The following BAZ1A variants were observed in gnomAD, a reference collection of about 807,000 sequenced individuals.
The protein encoded by BAZ1A is bromodomain adjacent to zinc finger domain 1A, also known as bromodomain adjacent to zinc finger domain protein 1A.
In BAZ1A, 50 loss-of-function variants were observed where a neutral mutation model predicts 185.2. The ratio of observed to expected loss-of-function variants is 0.27; its 90% CI spans 0.22 to 0.34. The LOEUF is 0.34. Among genes scored for constraint, BAZ1A ranks in the 10% least tolerant of loss-of-function variants. The pLI, the probability that BAZ1A is intolerant of heterozygous loss-of-function variation, is 1.00. For synonymous variants in BAZ1A, 571 were observed against 615.6 expected (o/e 0.93, Z 1.07); for missense variants, 1,356 against 1,839.9 (o/e 0.74, Z 4.81).
chr14:34,855,525 T>G (rs2077977100), intron 3 of BAZ1A, among the ~76,000 whole-genome samples: 1 of 152,236 alleles, frequency 6.6e-6, no homozygotes, highest in African/African-American at 2.4e-5. Context: ...TCTTAAGTTT[T>G]TAACACAAGT....
rs1368867857 is a variant in BAZ1A at position 34,844,775 on chromosome 14, GCGCACACACACACA to G, written c.392+17255_392+17268del. ...CCTGTCTAAACACACACACACACAC[GCGCACACACACACA>G]CACACACACACACACACACACACAA... On this transcript the variant is annotated intron_variant, in intron 3 of 26. Coordinates refer to ENST00000360310, the MANE Select transcript of BAZ1A (RefSeq NM_013448.3). Among the ~76,000 whole-genome samples, 333 of 135,512 alleles carry G rather than the reference GCGCACACACACACA, an allele frequency of 2.5e-3. 1 individual carries two copies. Among genetic ancestry groups the G allele is most frequent in the South Asian group, 4.8e-3 (19 of 3,978 alleles). 88.9% of individuals were successfully genotyped at this position (135,512 alleles called of 152,430 possible).
chr14:34,864,197 G>A (rs2042816978), intron 2 of BAZ1A, among the ~76,000 whole-genome samples: 1 of 152,056 alleles, frequency 6.6e-6, no homozygotes. Flanking sequence ...AGGCTGGAGT[G>A]CAGTGGTACG....
At position 34,833,046 on chromosome 14, in the gene BAZ1A, G is replaced by A. The variant is rs143094758; in HGVS notation, c.393-6890C>T. On this transcript the variant is annotated intron_variant, in intron 3 of 26. Transcript: ENST00000360310. ...AACCTTGAAAACATGTTCATAGGCT[G>A]GGCAACAGAGTGAGACCCCCAACTC... Among the ~76,000 whole-genome samples the A allele has an allele frequency of 2.2e-4, 33 of 152,148 alleles. No individual in the cohort carries two copies. In the South Asian group the frequency reaches 6.4e-3, roughly 30 times the overall value.
rs536845639 is a variant in BAZ1A, at chr14:34,787,792, CA to C, written c.1511-1572del. 3.5e-4 allele frequency among the ~76,000 whole-genome samples: 54 copies of C among 152,330 alleles called. 1 individual carries two copies. The highest frequency in any genetic ancestry group is 6.2e-4 in the Non-Finnish European group (42 of 68,026). Reference sequence around the variant, plus strand: ...TGCTTAGCTTACAAATAGAACTAAACAGCAAATCTACTGGTACAAATGTATG... The same window carrying C: ...TGCTTAGCTTACAAATAGAACTAAACGCAAATCTACTGGTACAAATGTATG... On this transcript the variant is annotated intron_variant, in intron 12 of 26. Transcript: ENST00000360310.
chr14:34,768,999 T>C (rs973798546), intron 21 of BAZ1A, among the ~76,000 whole-genome samples: 2 of 152,032 alleles, frequency 1.3e-5, no homozygotes, highest in South Asian at 2.1e-4. Context: ...ATTAGAGAGG[T>C]AGAACGTAAG....
intron 2 of BAZ1A, among the ~76,000 whole-genome samples, chr14:34,868,921 T>C (rs1411374672): frequency 1.3e-5 from 2 of 151,006 alleles, no homozygotes; most frequent in Admixed American, 1.3e-4. Flanking sequence ...TGTGTGTGTG[T>C]GTGTGTATAA....
At chr14:34,788,276 A>G (rs941638482) in intron 12 of BAZ1A, among the ~76,000 whole-genome samples, 15 of 151,910 alleles carry the variant, frequency 9.9e-5, no homozygotes, top group African/African-American at 3.6e-4. Context: ...TGCTTGGATT[A>G]CAAGCGTGAA....
rs1473062756 is a variant in BAZ1A at position 34,765,113 on chromosome 14, T to C, written c.3457A>G (p.Ile1153Val). 5 of 1,614,170 alleles carry C rather than the reference T, an allele frequency of 3.1e-6. No individual in the cohort carries two copies. The highest frequency in any genetic ancestry group is 4.2e-6 in the Non-Finnish European group (5 of 1,180,018). ...SKSILNARCK[I>V]CRKKGDAENM... ...TCAGCATCGCCTTTCTTTCGACATA[T>C]CTTGCAACGCGCATTCAGTATAGAT... Residue 1153 changes from isoleucine (I) to valine (V), a missense_variant, in exon 22 of 27, where the codon ATA becomes GTA. Ile to Val is a conservative substitution (Grantham distance 29). Transcript: ENST00000360310.
intron 2 of BAZ1A, among the ~76,000 whole-genome samples, chr14:34,863,041 T>C (rs984547858): frequency 3.5e-5 from 5 of 144,544 alleles, no homozygotes; most frequent in African/African-American, 1.3e-4. Flanking sequence ...CAGGCTGGAA[T>C]ACAGTGGCCG....
intron 25 of BAZ1A, among the ~76,000 whole-genome samples, chr14:34,757,590 G>A (rs1441868910): frequency 6.7e-5 from 10 of 150,126 alleles, no homozygotes; most frequent in Admixed American, 5.3e-4. Flanking sequence ...GCTTGAACCC[G>A]GGAGGTGGAG....
chr14:34,816,840 CT>C, intron 4 of BAZ1A: 1 of 450,732 alleles, frequency 2.2e-6, no homozygotes, highest in South Asian at 1.6e-5. Flanking sequence ...CATTATTTGG[CT>C]GTTAACAGGG....
chr14:34,759,183 T>TTTTTTTTTTTTTTG (rs1566543370), intron 24 of BAZ1A, among the ~76,000 whole-genome samples: 50 of 121,010 alleles, frequency 4.1e-4, no homozygotes, highest in Middle Eastern at 3.7e-3. Flanking sequence ...TTTTTTTTTT[T>TTTTTTTTTTTTTTG]TTTTTTTTTT....
rs1881448496 is a variant in BAZ1A at position 34,800,397 on chromosome 14, AG to A, written c.962-8del. The A allele has an allele frequency of 1.3e-6, 2 of 1,537,254 alleles. No homozygotes were observed. The highest frequency in any genetic ancestry group is 1.7e-6 in the Non-Finnish European group (2 of 1,149,514). On this transcript the variant is annotated splice_region_variant and splice_polypyrimidine_tract_variant and intron_variant, in intron 8 of 26. Coordinates refer to ENST00000360310, the MANE Select transcript of BAZ1A (RefSeq NM_013448.3). ...AATTTAGCCTTTTCAAAAGCTGTGA[AG>A]AAAAATCAAACTTAGAACTATATAT...
intron 3 of BAZ1A, among the ~76,000 whole-genome samples, chr14:34,840,630 GC>G (rs1419245730): frequency 6.6e-6 from 1 of 151,882 alleles, no homozygotes; most frequent in African/African-American, 2.4e-5. Flanking sequence ...ATGGTGGTGG[GC>G]CCCTGTAATC....
intron 25 of BAZ1A, 74 bp downstream of exon 25, chr14:34,758,630 G>C: frequency 6.9e-7 from 1 of 1,444,810 alleles, no homozygotes; most frequent in Non-Finnish European, 9.5e-7. Flanking sequence ...CAGGTGTTTT[G>C]ACTACTTCAA....
intron 3 of BAZ1A, among the ~76,000 whole-genome samples, chr14:34,843,982 G>T (rs936525187): frequency 1.3e-5 from 2 of 151,736 alleles, no homozygotes; most frequent in Non-Finnish European, 2.9e-5. Flanking sequence ...GAGGCGGGCG[G>T]ATCACGAGGT....
chr14:34,802,889 T>G lies in BAZ1A; in HGVS notation c.826A>C (p.Arg276=), dbSNP rs759367735. The G allele has an allele frequency of 6.2e-7, 1 of 1,613,820 alleles. No homozygotes were observed. The highest frequency in any genetic ancestry group is 2.2e-5 in the East Asian group (1 of 44,876). ...TGTATTCGTTTGGGAGGTCTCCCTC[T>G]TCGTCTGTTAGCAGGACTGAAGATA... ...TFIFSPANRR[R]GRPPKRIHIS... is the part of the protein sequence containing the mutation. The change falls in exon 7 of 27, where the codon AGA becomes CGA. Residue 276 remains arginine, a synonymous_variant. Coordinates refer to ENST00000360310, the MANE Select transcript of BAZ1A (RefSeq NM_013448.3).
intron 6 of BAZ1A, among the ~76,000 whole-genome samples, chr14:34,804,610 A>G (rs1881755928): frequency 6.6e-6 from 1 of 152,242 alleles, no homozygotes; most frequent in East Asian, 1.9e-4. Flanking sequence ...AGAAGATTTC[A>G]TTAAAATAAT....
intron 3 of BAZ1A, among the ~76,000 whole-genome samples, chr14:34,850,480 C>T (rs1220435666): frequency 1.3e-5 from 2 of 152,194 alleles, no homozygotes; most frequent in East Asian, 1.9e-4. Context: ...GGTCAATAGG[C>T]TCTTGAATAG....
Sources: gnomAD v4.1 joint callset for allele counts (sites outside exome capture counted in the v4.1 genomes callset) on GRCh38, gnomAD v4.1.1 for gene constraint, MANE v1.5 for transcripts, NCBI Gene and HGNC (gene_info 2026-07-23, HGNC 2026-07-21) for gene names.